CERS5: variants seen among roughly 807,000 people sequenced by gnomAD.
CERS5 encodes LAG1 homolog, ceramide synthase 5.
Under a neutral mutation model 58.9 loss-of-function variants are expected in CERS5, and 37 were observed. The ratio of observed to expected loss-of-function variants is 0.63; its 90% CI spans 0.48 to 0.83. The LOEUF (loss-of-function observed/expected upper bound fraction) is 0.83, where lower values mean the gene tolerates loss of function less well. Among genes scored for constraint, CERS5 ranks in the 40% least tolerant of loss-of-function variants. The probability of loss-of-function intolerance (pLI) is 0.00; values close to 1 mark genes in which losing one functional copy is unlikely to be tolerated. For missense variants in CERS5, 398 were observed against 489.3 expected, an observed-to-expected ratio of 0.81 and a Z score of 1.76; for synonymous variants, 147 against 177.8, an observed-to-expected ratio of 0.83 and a Z score of 1.38.
intron 1 of CERS5, 90 bp from the exon 2 acceptor site, chr12:50,144,147 A>T (rs751586738): frequency 5.7e-5 from 43 of 752,258 alleles, no homozygotes; most frequent in Non-Finnish European, 8.7e-5. Flanking sequence ...TATGGGGTAC[A>T]ATGTGATGTT....
chr12:50,141,668 G>A (rs879193707), intron 4 of CERS5, among the ~76,000 whole-genome samples: 3 of 152,126 alleles, frequency 2.0e-5, no homozygotes, highest in Admixed American at 2.0e-4. Flanking sequence ...GCCAGGCTCA[G>A]TGGCTCATGC....
rs1940026580 is a variant in CERS5, at chr12:50,167,287, G to A, written c.11C>T (p.Ala4Val). 1 of 1,538,196 alleles carries A rather than the reference G, an allele frequency of 6.5e-7. No individual in the cohort carries two copies. The change falls in exon 1 of 10, where the codon GCA becomes GTA. Residue 4 changes from alanine to valine, a missense_variant. Around this residue, in one of 3 missense-constraint regions of CERS5, gnomAD observed 328 missense variants for 384.5 expected, o/e 0.85. Transcript: ENST00000317551. MAT[A>V]AQGPLSLLWG... ...CAGCAAGCTTAGGGGTCCCTGCGCT[G>A]CTGTCGCCATCTTACGCCCACCCCG... is the stretch of plus-strand genomic sequence containing the variant.
At chr12:50,148,922 AAAAAAAT>A (rs550926047) in intron 1 of CERS5, among the ~76,000 whole-genome samples, 1,993 of 95,076 alleles carry the variant, frequency 0.021, 15 homozygotes, top group East Asian at 0.12. Context: ...AAAAAAAAAA[AAAAAAAT>A]ATATATATAT....
At chr12:50,135,897 AAGAAG>A (rs1951669572) in intron 7 of CERS5, 39 bp downstream of exon 7, 2 of 1,581,856 alleles carry the variant, frequency 1.3e-6, no homozygotes, top group Admixed American at 3.8e-5. Flanking sequence ...ATAGGAAGAA[AAGAAG>A]AGAAGAAGAA....
intron 1 of CERS5, among the ~76,000 whole-genome samples, chr12:50,158,008 T>C (rs1038683988): frequency 7.7e-6 from 1 of 130,330 alleles, no homozygotes; most frequent in Non-Finnish European, 1.5e-5. Flanking sequence ...GTTGCAGTGA[T>C]ACCAGATTGT....
chr12:50,141,993 C>A, intron 4 of CERS5, 60 bp downstream of exon 4: 26 of 858,422 alleles, frequency 3.0e-5, no homozygotes, highest in Middle Eastern at 2.3e-4. Flanking sequence ...TTAACTCTTA[C>A]TTCTAGAGAT....
intron 9 of CERS5, chr12:50,134,169 C>T (rs1951499119): frequency 3.5e-6 from 1 of 284,856 alleles, no homozygotes; most frequent in South Asian, 3.6e-5. Context: ...CTGCTTGAGG[C>T]CAGTAGTTGG....
chr12:50,161,784 G>GAAAAAAAAAAAAAAAAAAAAA lies in CERS5; in HGVS notation c.197+5316_197+5317insTTTTTTTTTTTTTTTTTTTTT, dbSNP rs374177550. 7.8e-4 allele frequency among the ~76,000 whole-genome samples: 71 copies of GAAAAAAAAAAAAAAAAAAAAA among 90,862 alleles called. 11 individuals carry two copies. The highest frequency in any genetic ancestry group is 2.0e-3 in the Admixed American group (12 of 5,968). 59.6% of individuals were successfully genotyped at this position (90,862 alleles called of 152,430 possible). A position where few individuals can be genotyped will look rare whatever the true frequency, so the allele number is the denominator to read the frequency against. On this transcript the variant is annotated intron_variant, in intron 1 of 9. Coordinates refer to ENST00000317551, the MANE Select transcript of CERS5 (RefSeq NM_147190.5). ...AGAGTGAGACTCCGTCTCAAAAAAA[G>GAAAAAAAAAAAAAAAAAAAAA]AAAAAAAAAAAAAAAAGCAAAGTTC...
Position 50,135,856 on chromosome 12 carries a change from G to C in CERS5, c.766-18C>G. 1 of 1,609,010 alleles carries C rather than the reference G, an allele frequency of 6.2e-7. No homozygotes were observed. Among genetic ancestry groups the C allele is most frequent in the Non-Finnish European group, 8.5e-7 (1 of 1,176,874 alleles). ...TTGGCTGCCTGGAGAAAGGAAGAAA[G>C]AATTGAGCTGGGGAGAAAGTCATTC... is the stretch of plus-strand genomic sequence containing the variant. On this transcript the variant is annotated intron_variant, in intron 7 of 9. Coordinates refer to ENST00000317551, the MANE Select transcript of CERS5 (RefSeq NM_147190.5).
intron 1 of CERS5, among the ~76,000 whole-genome samples, chr12:50,156,118 AAG>A: frequency 8.4e-6 from 1 of 119,286 alleles, no homozygotes; most frequent in Non-Finnish European, 1.7e-5. Flanking sequence ...AAAAAAAAAA[AAG>A]GCCGGCCGTG....
intron 8 of CERS5, chr12:50,134,948 C>A: frequency 1.9e-6 from 1 of 515,394 alleles, no homozygotes. Flanking sequence ...CATTATTAAT[C>A]ACTTCAAATA....
At chr12:50,138,480 A>G in intron 5 of CERS5, 87 bp downstream of exon 5, 5 of 1,060,850 alleles carry the variant, frequency 4.7e-6, no homozygotes, top group Non-Finnish European at 7.4e-6. Context: ...GAAACGCACC[A>G]TCTGTCCTGG....
In CERS5 at chr12:50,129,435, A is replaced by G. The variant is rs1951191353; in HGVS notation, c.*1110T>C. On this transcript the variant is annotated 3_prime_UTR_variant, in exon 10 of 10. Coordinates refer to ENST00000317551, the MANE Select transcript of CERS5 (RefSeq NM_147190.5). ...TCATCTGACTTTCAAAAGCATATTCATTCATATTTCACAACAATATTAGTC... is the reference window on the plus strand; with the variant it reads ...TCATCTGACTTTCAAAAGCATATTCGTTCATATTTCACAACAATATTAGTC... 1 of 151,944 alleles carries G rather than the reference A, an allele frequency of 6.6e-6. No homozygotes were observed. The highest frequency in any genetic ancestry group is 1.5e-5 in the Non-Finnish European group (1 of 68,016). 9.4% of individuals were successfully genotyped at this position (151,944 alleles called of 1,614,324 possible). A position where few individuals can be genotyped will look rare whatever the true frequency, so the allele number is the denominator to read the frequency against.
chr12:50,161,475 GAAAC>G (rs1446437472), intron 1 of CERS5, among the ~76,000 whole-genome samples: 2 of 152,056 alleles, frequency 1.3e-5, no homozygotes, highest in African/African-American at 2.4e-5. Flanking sequence ...ATAATGATAT[GAAAC>G]AAACAAAGCA....
At chr12:50,135,115 AGGG>A (rs1951563281) in intron 8 of CERS5, among the ~76,000 whole-genome samples, 2 of 119,898 alleles carry the variant, frequency 1.7e-5, no homozygotes, top group East Asian at 3.0e-4. Context: ...AGAGGGAGGG[AGGG>A]AGAGAGAGGA....
intron 9 of CERS5, among the ~76,000 whole-genome samples, chr12:50,131,252 C>G (rs1337578755): frequency 6.6e-6 from 1 of 152,166 alleles, no homozygotes; most frequent in Non-Finnish European, 1.5e-5. Context: ...AGCAAGATCA[C>G]TTTTCTTATG....
intron 8 of CERS5, among the ~76,000 whole-genome samples, chr12:50,135,005 G>A (rs1327739158): frequency 6.6e-6 from 1 of 151,818 alleles, no homozygotes; most frequent in Non-Finnish European, 1.5e-5. Context: ...CTAATCCTAT[G>A]AATGACTGAG....
At chr12:50,155,798 TA>T (rs1398761120) in intron 1 of CERS5, among the ~76,000 whole-genome samples, 1 of 135,182 alleles carries the variant, frequency 7.4e-6, no homozygotes, top group Non-Finnish European at 1.6e-5. Flanking sequence ...ATCTTGTCTC[TA>T]CAAAAAATAT....
rs139655000 is a variant in CERS5 at position 50,160,479 on chromosome 12, TG to T, written c.197+6621del. Among the ~76,000 whole-genome samples, 1,209 of 152,162 alleles carry T rather than the reference TG, an allele frequency of 7.9e-3. 18 individuals carry two copies. The highest frequency in any genetic ancestry group is 0.028 in the African/African-American group (1,149 of 41,526). On this transcript the variant is annotated intron_variant, in intron 1 of 9. Coordinates refer to ENST00000317551, the MANE Select transcript of CERS5 (RefSeq NM_147190.5). The stretch of plus-strand genomic sequence containing the variant: ...GGCTCTTTAGACACCCCAGTGAGGT[TG>T]CCTTGAAGTAATAAGAGAGAAGAGG...
Sources: gnomAD v4.1 joint callset for allele counts (sites outside exome capture counted in the v4.1 genomes callset) on GRCh38, gnomAD v4.1.1 for gene constraint, gnomAD v4.1.1 regional missense constraint, MANE v1.5 for transcripts, NCBI Gene and HGNC (gene_info 2026-07-23, HGNC 2026-07-21) for gene names.